CDK14: variants seen among roughly 807,000 people sequenced by gnomAD.
CDK14 encodes cyclin-dependent kinase 14.
A neutral mutation model predicts 60.7 loss-of-function variants in CDK14; 34 were observed. The observed-to-expected ratio is 0.56, with a 90% CI of 0.43 to 0.75. The LOEUF is 0.75. Among genes scored for constraint, CDK14 ranks in the 30% least tolerant of loss-of-function variants. The probability of loss-of-function intolerance (pLI) is 0.00; values close to 1 mark genes in which losing one functional copy is unlikely to be tolerated. For synonymous variants in CDK14, 197 were observed against 203.7 expected, an observed-to-expected ratio of 0.97 and a Z score of 0.28; for missense variants, 482 against 564.1, an observed-to-expected ratio of 0.85 and a Z score of 1.47.
At chr7:91,173,338 C>T (rs1363609559) in intron 14 of CDK14, among the ~76,000 whole-genome samples, 1 of 152,060 alleles carries the variant, frequency 6.6e-6, no homozygotes, top group Non-Finnish European at 1.5e-5. Flanking sequence ...ACACTCCTGT[C>T]ATCCCAGCTT....
chr7:90,941,607 C>T (rs1449347606), intron 8 of CDK14, among the ~76,000 whole-genome samples: 3 of 150,290 alleles, frequency 2.0e-5, no homozygotes, highest in Non-Finnish European at 4.5e-5. Context: ...TACTGCCAAA[C>T]CCAGCTATTT....
intron 9 of CDK14, among the ~76,000 whole-genome samples, chr7:90,972,582 A>G (rs191718640): frequency 6.6e-6 from 1 of 152,236 alleles, no homozygotes; most frequent in Non-Finnish European, 1.5e-5. Context: ...CTTTAATTGC[A>G]TAATGGTTTA....
intron 2 of CDK14, among the ~76,000 whole-genome samples, chr7:90,606,841 A>G (rs1799428696): frequency 6.6e-6 from 1 of 152,226 alleles, no homozygotes; most frequent in Admixed American, 6.5e-5. Flanking sequence ...CTCATCTGCC[A>G]CTTTCTAGTT....
At chr7:90,719,004 A>G (rs1802348397) in intron 2 of CDK14, among the ~76,000 whole-genome samples, 1 of 152,170 alleles carries the variant, frequency 6.6e-6, no homozygotes, top group Non-Finnish European at 1.5e-5. Context: ...TAGTACTACG[A>G]TTTAAGTGCT....
rs1801067287 is a variant in CDK14, at chr7:90,670,190, T to G, written c.124-56377T>G. ...ATATAATTTGGGAAGTGGCATTAAG[T>G]TTTTTTAGAACCTTATTTTATTCAG... is the stretch of plus-strand genomic sequence containing the variant. On this transcript the variant is annotated intron_variant, in intron 2 of 14. Coordinates refer to ENST00000380050, the MANE Select transcript of CDK14 (RefSeq NM_001287135.2). Among the ~76,000 whole-genome samples, 3 of 152,276 alleles carry G rather than the reference T, an allele frequency of 2.0e-5. No individual in the cohort carries two copies. The South Asian group carries it at 6.2e-4, about 32-fold the overall frequency.
intron 5 of CDK14, among the ~76,000 whole-genome samples, chr7:90,799,812 T>C (rs1054059757): frequency 2.0e-5 from 3 of 151,902 alleles, no homozygotes; most frequent in African/African-American, 7.2e-5. Flanking sequence ...TTCATTTTCA[T>C]TTCATACAGA....
At chr7:91,025,750 C>G (rs947468335) in intron 10 of CDK14, among the ~76,000 whole-genome samples, 1 of 152,138 alleles carries the variant, frequency 6.6e-6, no homozygotes, top group African/African-American at 2.4e-5. Context: ...CTGTGCCTGT[C>G]TCTAGAGCAG....
rs182131633 is a variant in CDK14 at position 91,060,665 on chromosome 7, G to C, written c.1105+14705G>C. On this transcript the variant is annotated intron_variant, in intron 11 of 14. Coordinates refer to ENST00000380050, the MANE Select transcript of CDK14 (RefSeq NM_001287135.2). ...ATTTCTCCTTCACTTATGAAACTTA[G>C]TTTGGCTGGATATGAAATTCTGGTT... is the stretch of plus-strand genomic sequence containing the variant. Among the ~76,000 whole-genome samples the C allele has an allele frequency of 5.9e-4, 90 of 152,216 alleles. 3 individuals are homozygous for C. Among genetic ancestry groups the C allele is most frequent in the Admixed American group, 5.6e-3 (86 of 15,282 alleles).
At position 91,202,869 on chromosome 7, in the gene CDK14, A is replaced by G. The variant is rs548381487; in HGVS notation, c.*29-4296A>G. ...CACTGTGTTCACTGTTTATTATCCA[A>G]TTACTATTATTACATATTATCCTTT... is the stretch of plus-strand genomic sequence containing the variant. On this transcript the variant is annotated intron_variant, in intron 14 of 14. Transcript: ENST00000380050. Among the ~76,000 whole-genome samples the G allele has an allele frequency of 3.9e-5, 6 of 152,274 alleles. No individual in the cohort carries two copies. In the East Asian group the frequency reaches 7.7e-4, roughly 20 times the overall value.
intron 5 of CDK14, among the ~76,000 whole-genome samples, chr7:90,820,292 C>T (rs960015323): frequency 2.0e-5 from 3 of 152,128 alleles, no homozygotes; most frequent in African/African-American, 7.2e-5. Context: ...GACCTTGATT[C>T]TCTTTACCTC....
intron 4 of CDK14, among the ~76,000 whole-genome samples, chr7:90,764,914 T>G (rs1401739607): frequency 6.6e-6 from 1 of 152,202 alleles, no homozygotes; most frequent in Non-Finnish European, 1.5e-5. Flanking sequence ...TCAGGCACTT[T>G]GGTTAATAGT....
intron 14 of CDK14, among the ~76,000 whole-genome samples, chr7:91,122,645 T>C (rs759152579): frequency 1.3e-5 from 2 of 152,226 alleles, no homozygotes; most frequent in Non-Finnish European, 2.9e-5. Flanking sequence ...ACAGCTTTCA[T>C]GTTCCCTTCA....
intron 12 of CDK14, among the ~76,000 whole-genome samples, chr7:91,084,314 A>G (rs1164997618): frequency 6.6e-6 from 1 of 152,220 alleles, no homozygotes; most frequent in Non-Finnish European, 1.5e-5. Flanking sequence ...TCATGCAGCC[A>G]GGAGAGCTGG....
intron 4 of CDK14, among the ~76,000 whole-genome samples, chr7:90,763,166 T>A (rs1294950405): frequency 1.3e-5 from 2 of 152,024 alleles, no homozygotes; most frequent in African/African-American, 4.8e-5. Context: ...GAGGCAAAAA[T>A]TGATAGAACT....
At chr7:91,028,572 C>A (rs1383054151) in intron 10 of CDK14, among the ~76,000 whole-genome samples, 1 of 152,098 alleles carries the variant, frequency 6.6e-6, no homozygotes, top group African/African-American at 2.4e-5. Flanking sequence ...CCCTTTTCAC[C>A]CCATTCACGC....
At chr7:91,031,922 GGTCACCCAGTTGAGCACTCACCTTCC>G (rs1458190638) in intron 10 of CDK14, among the ~76,000 whole-genome samples, 1 of 152,218 alleles carries the variant, frequency 6.6e-6, no homozygotes, top group Non-Finnish European at 1.5e-5. Flanking sequence ...TAGCTAGTGA[GGTCACCCAGTTGAGCACTCACCTTCC>G]GTCTGTCAGT....
chr7:90,795,084 T>C (rs1806002635), intron 5 of CDK14, among the ~76,000 whole-genome samples: 1 of 152,190 alleles, frequency 6.6e-6, no homozygotes, highest in South Asian at 2.1e-4. Flanking sequence ...TGTTTATATT[T>C]ATGAGCCCAA....
chr7:90,807,588 C>T (rs1040397839), intron 5 of CDK14, among the ~76,000 whole-genome samples: 3 of 152,222 alleles, frequency 2.0e-5, no homozygotes, highest in African/African-American at 7.2e-5. Context: ...TGCAGCTCCT[C>T]ACCAGCAACG....
intron 3 of CDK14, among the ~76,000 whole-genome samples, chr7:90,731,338 T>C (rs1395844280): frequency 6.6e-6 from 1 of 152,202 alleles, no homozygotes; most frequent in Non-Finnish European, 1.5e-5. Flanking sequence ...CTATGCAGGC[T>C]CCATATGAAA....
Sources: allele counts gnomAD v4.1 joint callset (sites outside exome capture counted in the v4.1 genomes callset), GRCh38; gene constraint gnomAD v4.1.1; transcripts MANE v1.5; gene names NCBI Gene and HGNC (gene_info 2026-07-23, HGNC 2026-07-21).